Variants in KIAA1671 observed in about 807,000 individuals in gnomAD.
The protein encoded by KIAA1671 is KIAA1671.
Under a neutral mutation model 131.2 loss-of-function variants are expected in KIAA1671, and 52 were observed. The ratio of observed to expected loss-of-function variants is 0.40; its 90% confidence interval spans 0.32 to 0.50. The LOEUF is 0.50. KIAA1671 is among the 20% of genes least tolerant of loss of function. The probability of loss-of-function intolerance (pLI) is 0.73; values close to 1 mark genes in which losing one functional copy is unlikely to be tolerated. For missense variants in KIAA1671, 2,360 were observed against 2,364.2 expected (o/e 1.00, Z 0.04); for synonymous variants, 1,003 against 961.6 (o/e 1.04, Z -0.80).
intron 4 of KIAA1671, among the ~76,000 whole-genome samples, chr22:25,038,530 A>G (rs1926736730): frequency 6.6e-6 from 1 of 152,234 alleles, no homozygotes; most frequent in South Asian, 2.1e-4. Flanking sequence ...TAACATCAGG[A>G]TAGATACATT....
chr22:25,101,653 A>AT (rs952981277), intron 6 of KIAA1671, among the ~76,000 whole-genome samples: 25 of 151,530 alleles, frequency 1.6e-4, no homozygotes, highest in Non-Finnish European at 2.2e-4. Flanking sequence ...AGTCATTTCT[A>AT]TTTTTTTTTC....
At chr22:25,155,081 C>G (rs1020168536) in intron 6 of KIAA1671, among the ~76,000 whole-genome samples, 14 of 152,230 alleles carry the variant, frequency 9.2e-5, no homozygotes, top group African/African-American at 3.4e-4. Context: ...GGATAGGAAA[C>G]TTTGATTAAT....
chr22:25,052,212 C>T (rs1475830753), intron 6 of KIAA1671: 1 of 152,360 alleles, frequency 6.6e-6, no homozygotes, highest in Non-Finnish European at 1.5e-5. Context: ...CCCTGGGACT[C>T]CTCCTGGAGC....
chr22:25,066,102 G>A (rs377530053), intron 6 of KIAA1671, among the ~76,000 whole-genome samples: 4 of 152,054 alleles, frequency 2.6e-5, no homozygotes, highest in African/African-American at 9.7e-5. Flanking sequence ...GGGGATGGAA[G>A]GGGTGAGCTC....
intron 6 of KIAA1671, among the ~76,000 whole-genome samples, chr22:25,160,913 C>A (rs1485092777): frequency 2.0e-5 from 3 of 152,216 alleles, no homozygotes; most frequent in African/African-American, 7.2e-5. Context: ...CATCATACAT[C>A]CTGACTTCTC....
chr22:24,987,252 GCT>G (rs923469107), intron 1 of KIAA1671, among the ~76,000 whole-genome samples: 4 of 150,992 alleles, frequency 2.6e-5, no homozygotes, highest in African/African-American at 9.7e-5. Context: ...CTCACTGCAA[GCT>G]CTGCCTCCCA....
chr22:25,029,127 G>C lies in KIAA1671; in HGVS notation c.1128G>C (p.Gly376=). 6.8e-7 allele frequency: 1 copy of C among 1,462,642 alleles called. No individual in the cohort carries two copies. Among genetic ancestry groups the C allele is most frequent in the Non-Finnish European group, 9.0e-7 (1 of 1,105,698 alleles). 90.6% of individuals were successfully genotyped at this position (1,462,642 alleles called of 1,614,324 possible). The change falls in exon 3 of 13, where the codon GGG becomes GGC. Residue 376 remains glycine (G), a synonymous_variant. Transcript: ENST00000358431. ...GAGCCCTGGTGGGGGGCTCATCTGGGGTCACCCCCAGCAATGACCAGAGTC... is the reference window on the plus strand; with the variant it reads ...GAGCCCTGGTGGGGGGCTCATCTGGCGTCACCCCCAGCAATGACCAGAGTC... ...SPRALVGGSS[G]VTPSNDQSPW...
At chr22:25,004,333 C>A (rs1246451412) in intron 1 of KIAA1671, among the ~76,000 whole-genome samples, 1 of 152,088 alleles carries the variant, frequency 6.6e-6, no homozygotes, top group Non-Finnish European at 1.5e-5. Context: ...CCAAGCTGAT[C>A]CTGAACTCCT....
At chr22:24,957,932 C>T (rs1308350230) in intron 1 of KIAA1671, among the ~76,000 whole-genome samples, 1 of 150,016 alleles carries the variant, frequency 6.7e-6, no homozygotes, top group African/African-American at 2.5e-5. Flanking sequence ...CCCACCTCGG[C>T]CTCCCAAAGT....
intron 11 of KIAA1671, among the ~76,000 whole-genome samples, chr22:25,190,181 A>C (rs1300044186): frequency 6.6e-6 from 1 of 152,148 alleles, no homozygotes; most frequent in African/African-American, 2.4e-5. Flanking sequence ...GTTTTTCTGC[A>C]ACTAGATGGT....
At chr22:24,987,180 T>A (rs9624691) in intron 1 of KIAA1671, among the ~76,000 whole-genome samples, 8,220 of 150,914 alleles carry the variant, frequency 0.054, 755 homozygotes, top group African/African-American at 0.19. Flanking sequence ...TATTTTTTTT[T>A]TTTTTTCTGA....
Position 24,992,048 on chromosome 22 carries a change from C to T in KIAA1671, c.-207-33585C>T, listed in dbSNP as rs150625142. ...GACACCCCTCCTCCCATTTACAGAG[C>T]GGGCAGGACATGACTCATGCCTACA... On this transcript the variant is annotated intron_variant, in intron 1 of 12. Transcript: ENST00000358431. 8.5e-4 allele frequency among the ~76,000 whole-genome samples: 129 copies of T among 152,254 alleles called. 1 individual carries two copies. The East Asian group carries it at 0.02, about 24-fold the overall frequency.
chr22:24,956,126 C>T (rs1040368036), intron 1 of KIAA1671, among the ~76,000 whole-genome samples: 1 of 152,102 alleles, frequency 6.6e-6, no homozygotes, highest in Non-Finnish European at 1.5e-5. Context: ...GAGGGGTGTT[C>T]ACTGACAACT....
At chr22:25,179,067 G>T (rs1336920918) in intron 9 of KIAA1671, among the ~76,000 whole-genome samples, 1 of 152,202 alleles carries the variant, frequency 6.6e-6, no homozygotes, top group East Asian at 1.9e-4. Context: ...ACCCAGCCGC[G>T]CCCGGCCTGG....
chr22:25,080,283 A>G (rs1230548944), intron 6 of KIAA1671, among the ~76,000 whole-genome samples: 1 of 152,142 alleles, frequency 6.6e-6, no homozygotes, highest in South Asian at 2.1e-4. Context: ...TGCCCTGCCC[A>G]TGCCTAAGAG....
intron 6 of KIAA1671, among the ~76,000 whole-genome samples, chr22:25,137,998 C>T (rs1173210441): frequency 1.3e-5 from 2 of 152,204 alleles, no homozygotes; most frequent in African/African-American, 2.4e-5. Flanking sequence ...GCAGTAGATT[C>T]TCAGTGTACA....
At chr22:25,127,789 G>C (rs760872962) in intron 6 of KIAA1671, among the ~76,000 whole-genome samples, 59 of 152,208 alleles carry the variant, frequency 3.9e-4, no homozygotes, top group Non-Finnish European at 8.1e-4. Flanking sequence ...AAGAATGGAG[G>C]TCATTAGAGA....
At chr22:25,134,702 G>A (rs2145950315) in intron 6 of KIAA1671, among the ~76,000 whole-genome samples, 1 of 152,284 alleles carries the variant, frequency 6.6e-6, no homozygotes, top group South Asian at 2.1e-4. Context: ...TAGCCATGCT[G>A]CCGCTCTGCA....
At chr22:25,080,792 G>A (rs896027452) in intron 6 of KIAA1671, among the ~76,000 whole-genome samples, 5 of 152,082 alleles carry the variant, frequency 3.3e-5, no homozygotes, top group Admixed American at 6.5e-5. Context: ...CAGGGTCTTT[G>A]CCATATGTAA....
Sources: allele counts gnomAD v4.1 joint callset (sites outside exome capture counted in the v4.1 genomes callset), GRCh38; gene constraint gnomAD v4.1.1; transcripts MANE v1.5; gene names NCBI Gene and HGNC (gene_info 2026-07-23, HGNC 2026-07-21).